The following EPHA6 variants were observed in gnomAD, a reference collection of about 807,000 sequenced individuals.
EPHA6 encodes the protein EPH receptor A6.
In EPHA6, 50 loss-of-function variants were observed where a neutral mutation model predicts 112.0. The observed-to-expected ratio is 0.45, with a 90% CI of 0.36 to 0.56. The LOEUF is 0.56. Ranked by LOEUF, EPHA6 falls within the 20% of genes least tolerant of loss-of-function variation. The pLI is 0.00. For synonymous variants in EPHA6, 529 were observed against 490.7 expected, an observed-to-expected ratio of 1.08 and a Z score of -1.03; for missense variants, 1,280 against 1,417.4, an observed-to-expected ratio of 0.90 and a Z score of 1.56.
intron 11 of EPHA6, among the ~76,000 whole-genome samples, chr3:97,547,650 GC>G (rs543968566): frequency 6.6e-6 from 1 of 152,206 alleles, no homozygotes; most frequent in Non-Finnish European, 1.5e-5. Context: ...TCTGTGCCCT[GC>G]CCCCAGAGGT....
intron 1 of EPHA6, among the ~76,000 whole-genome samples, chr3:96,853,139 G>A (rs1178549772): frequency 6.6e-6 from 1 of 151,960 alleles, no homozygotes; most frequent in Non-Finnish European, 1.5e-5. Flanking sequence ...AAGGCATAAA[G>A]GCATATTATC....
chr3:97,465,481 G>T lies in EPHA6; in HGVS notation c.1895-9871G>T, dbSNP rs186707570. 8.0e-4 allele frequency among the ~76,000 whole-genome samples: 121 copies of T among 152,096 alleles called. 1 individual carries two copies. Among genetic ancestry groups the T allele is most frequent in the African/African-American group, 2.8e-3 (116 of 41,530 alleles). ...AGCCATAGTTTTGTGCTACCATGGG[G>T]TTGGCCTTTTTAAAATAGAATAGTC... On this transcript the variant is annotated intron_variant, in intron 7 of 17. Coordinates refer to ENST00000389672, the MANE Select transcript of EPHA6 (RefSeq NM_001080448.3).
At chr3:97,511,242 T>C (rs2092359049) in intron 10 of EPHA6, among the ~76,000 whole-genome samples, 1 of 151,640 alleles carries the variant, frequency 6.6e-6, no homozygotes, top group African/African-American at 2.4e-5. Context: ...AAAAAACTTC[T>C]GCAGCTAGCT....
intron 9 of EPHA6, chr3:97,481,062 C>A: frequency 2.3e-6 from 1 of 436,730 alleles, no homozygotes. Context: ...CTCCTCACTT[C>A]CCAGACGGGG....
chr3:97,620,594 A>G (rs2107500586), intron 13 of EPHA6, among the ~76,000 whole-genome samples: 1 of 152,188 alleles, frequency 6.6e-6, no homozygotes, highest in East Asian at 1.9e-4. Context: ...AACCCCATTA[A>G]AAACTGGTCA....
intron 3 of EPHA6, among the ~76,000 whole-genome samples, chr3:96,999,484 T>G (rs1188431857): frequency 6.6e-6 from 1 of 151,924 alleles, no homozygotes; most frequent in Admixed American, 6.6e-5. Flanking sequence ...AACTCATATT[T>G]GAAGAGTCAC....
chr3:97,730,038 C>T (rs753776361), intron 15 of EPHA6, among the ~76,000 whole-genome samples: 13 of 152,076 alleles, frequency 8.5e-5, no homozygotes, highest in South Asian at 2.1e-4. Context: ...CTAAATTCAA[C>T]GTGCCTCTCT....
chr3:97,251,596 T>A lies in EPHA6; in HGVS notation c.1606+7309T>A, dbSNP rs180927766. 6.6e-3 allele frequency among the ~76,000 whole-genome samples: 1,009 copies of A among 152,318 alleles called. 9 individuals carry two copies. The highest frequency in any genetic ancestry group is 0.011 in the Non-Finnish European group (748 of 68,028). On this transcript the variant is annotated intron_variant, in intron 5 of 17. Coordinates refer to ENST00000389672, the MANE Select transcript of EPHA6 (RefSeq NM_001080448.3). ...ATTATTCTGATCATCATTAAAAATG[T>A]GAATTTCTTCATACTTAAAAATATT...
At chr3:97,060,236 A>C (rs2045977181) in intron 3 of EPHA6, among the ~76,000 whole-genome samples, 1 of 152,216 alleles carries the variant, frequency 6.6e-6, no homozygotes, top group Non-Finnish European at 1.5e-5. Context: ...TCTGTTAGAC[A>C]GTATGCTCTT....
chr3:97,704,616 T>G (rs2033580246), intron 14 of EPHA6, among the ~76,000 whole-genome samples: 1 of 152,222 alleles, frequency 6.6e-6, no homozygotes, highest in African/African-American at 2.4e-5. Flanking sequence ...AGAACTTGAC[T>G]GATACAGAGT....
At chr3:97,214,934 A>G (rs754014173) in intron 3 of EPHA6, among the ~76,000 whole-genome samples, 3 of 152,224 alleles carry the variant, frequency 2.0e-5, no homozygotes, top group Non-Finnish European at 4.4e-5. Flanking sequence ...TAGAAAACAT[A>G]AATGATACTG....
chr3:97,447,298 G>A (rs1218647712), intron 6 of EPHA6, among the ~76,000 whole-genome samples: 2 of 152,234 alleles, frequency 1.3e-5, no homozygotes, highest in African/African-American at 4.8e-5. Flanking sequence ...TGTCTTGCTA[G>A]TTGGGAAGGT....
intron 10 of EPHA6, among the ~76,000 whole-genome samples, chr3:97,514,336 C>A (rs887110185): frequency 6.6e-6 from 1 of 152,174 alleles, no homozygotes; most frequent in African/African-American, 2.4e-5. Flanking sequence ...CTCCTCCCAC[C>A]TCCTTCTCTG....
chr3:97,214,031 G>A (rs1385339358), intron 3 of EPHA6, among the ~76,000 whole-genome samples: 1 of 144,518 alleles, frequency 6.9e-6, no homozygotes, highest in African/African-American at 2.8e-5. Flanking sequence ...GTGTGTGTGT[G>A]TGTGTGTGAG....
At chr3:97,535,508 G>T (rs1018272649) in intron 11 of EPHA6, among the ~76,000 whole-genome samples, 5 of 151,992 alleles carry the variant, frequency 3.3e-5, no homozygotes, top group African/African-American at 9.7e-5. Flanking sequence ...AGATAAATGG[G>T]CAGGTTTATA....
intron 2 of EPHA6, among the ~76,000 whole-genome samples, chr3:96,871,305 A>G (rs1004857471): frequency 6.6e-6 from 1 of 152,022 alleles, no homozygotes; most frequent in African/African-American, 2.4e-5. Context: ...TACTCATATC[A>G]TTAGATTATT....
intron 14 of EPHA6, among the ~76,000 whole-genome samples, chr3:97,654,099 T>A (rs916238693): frequency 1.9e-4 from 29 of 152,010 alleles, no homozygotes; most frequent in African/African-American, 7.0e-4. Flanking sequence ...ATGCTAGAAA[T>A]TTGTTAAAAG....
intron 5 of EPHA6, among the ~76,000 whole-genome samples, chr3:97,381,501 G>C (rs1258009880): frequency 6.6e-6 from 1 of 152,032 alleles, no homozygotes; most frequent in African/African-American, 2.4e-5. Flanking sequence ...CTCCAGATTT[G>C]ACTGTTTTAA....
At chr3:96,896,424 A>G (rs1197054477) in intron 2 of EPHA6, among the ~76,000 whole-genome samples, 2 of 152,022 alleles carry the variant, frequency 1.3e-5, no homozygotes, top group Non-Finnish European at 1.5e-5. Flanking sequence ...TTTTAACTTC[A>G]TTTCTTCTGT....
Sources: gnomAD v4.1 joint callset for allele counts (sites outside exome capture counted in the v4.1 genomes callset) on GRCh38, gnomAD v4.1.1 for gene constraint, MANE v1.5 for transcripts, NCBI Gene and HGNC (gene_info 2026-07-23, HGNC 2026-07-21) for gene names.